Variants in CYP4X1 observed in about 807,000 individuals in gnomAD.
CYP4X1 encodes cytochrome P450 family 4 subfamily X member 1.
A neutral mutation model predicts 57.9 loss-of-function variants in CYP4X1; 44 were observed. The observed-to-expected ratio is 0.76, with a 90% CI of 0.60 to 0.98. CYP4X1 has a LOEUF of 0.98. Ranked by LOEUF, CYP4X1 falls within the 50% of genes least tolerant of loss-of-function variation. The pLI is 0.00. For synonymous variants in CYP4X1, 227 were observed against 228.6 expected (o/e 0.99, Z 0.06); for missense variants, 532 against 623.9 (o/e 0.85, Z 1.57).
At chr1:46,992,242 G>C in the CYP4X1 span, among the ~76,000 whole-genome samples, 1 of 152,214 alleles carries the variant, frequency 6.6e-6, no homozygotes, top group Non-Finnish European at 1.5e-5. Flanking sequence ...CTTGAACCCG[G>C]GAGGCAGAGG....
intron 6 of CYP4X1, among the ~76,000 whole-genome samples, chr1:47,037,272 A>ATTT (rs34146521): frequency 1.0e-4 from 12 of 115,872 alleles, no homozygotes; most frequent in African/African-American, 2.1e-4. Flanking sequence ...AACCTTTTCA[A>ATTT]TTTTTTTTTT....
the CYP4X1 span, among the ~76,000 whole-genome samples, chr1:47,007,385 A>C: frequency 6.6e-6 from 1 of 152,222 alleles, no homozygotes; most frequent in East Asian, 1.9e-4. Context: ...TAGAAGGAAA[A>C]CCAACAAACA....
At chr1:46,982,468 T>C in the CYP4X1 span, among the ~76,000 whole-genome samples, 1 of 152,202 alleles carries the variant, frequency 6.6e-6, no homozygotes, top group Admixed American at 6.5e-5. Flanking sequence ...CCAGAGTTCT[T>C]GCGTTGGTTC....
chr1:47,024,929 C>T (rs1644045570), intron 1 of CYP4X1, among the ~76,000 whole-genome samples: 1 of 152,104 alleles, frequency 6.6e-6, no homozygotes. Flanking sequence ...ACTCTTTTAT[C>T]GGTTTCTTCT....
At chr1:46,991,007 C>A in the CYP4X1 span, among the ~76,000 whole-genome samples, 2 of 151,012 alleles carry the variant, frequency 1.3e-5, no homozygotes, top group African/African-American at 4.9e-5. Flanking sequence ...ATGTAACAAA[C>A]CTGCACGTTC....
In CYP4X1 at chr1:47,031,479, T is replaced by C. The variant is rs188286348; in HGVS notation, c.363T>C (p.Leu121=). 1 of 1,614,090 alleles carries C rather than the reference T, an allele frequency of 6.2e-7. No homozygotes were observed. The highest frequency in any genetic ancestry group is 2.2e-5 in the East Asian group (1 of 44,876). The change falls in exon 3 of 12, where the codon CTT becomes CTC. Residue 121 remains leucine, a splice_region_variant and synonymous_variant. Transcript: ENST00000371901. ...TGCAGAAATTCTCACCTCCACTTCT[T>C]GGTATGTATGTGCAAATGAGAGGTA... ...QYLQKFSPPL[L]GKGLAALDGP...
At chr1:47,049,612 T>A in intron 11 of CYP4X1, 108 bp downstream of exon 11, 1 of 985,706 alleles carries the variant, frequency 1.0e-6, no homozygotes, top group East Asian at 2.4e-5. Context: ...ACCGTAGATC[T>A]TGGTGCCTAT....
chr1:47,052,632 A>G (rs1021732003), downstream of CYP4X1, among the ~76,000 whole-genome samples: 12 of 152,222 alleles, frequency 7.9e-5, no homozygotes, highest in Admixed American at 4.6e-4. Context: ...TTATGTTTAC[A>G]TAAATATTGA....
At chr1:46,961,514 C>T in the CYP4X1 span, 1 of 1,176,114 alleles carries the variant, frequency 8.5e-7, no homozygotes, top group Non-Finnish European at 1.1e-6. Flanking sequence ...TATGTCAAAG[C>T]TGTGTGTAGC....
the CYP4X1 span, among the ~76,000 whole-genome samples, chr1:46,965,401 C>T: frequency 6.6e-6 from 1 of 150,706 alleles, no homozygotes; most frequent in Non-Finnish European, 1.5e-5. Context: ...GAACTGCCCC[C>T]ACTCTTTTTT....
chr1:47,023,380 C>T (rs1474151876), upstream of CYP4X1, among the ~76,000 whole-genome samples: 1 of 152,196 alleles, frequency 6.6e-6, no homozygotes, highest in Non-Finnish European at 1.5e-5. Context: ...TGGTACACCT[C>T]CCCCTACCTC....
In CYP4X1 at chr1:47,023,777, G is replaced by C. The variant is rs1311968334; in HGVS notation, c.-41G>C. On this transcript the variant is annotated 5_prime_UTR_variant, in exon 1 of 12. Transcript: ENST00000371901. Reference sequence around the variant, plus strand: ...GGCGGGAGAAAGCCCACCCTCTCCCGCGCCCCAGGAAACCGCCGGCGTTCG... The same window carrying C: ...GGCGGGAGAAAGCCCACCCTCTCCCCCGCCCCAGGAAACCGCCGGCGTTCG... 8 of 1,591,814 alleles carry C rather than the reference G, an allele frequency of 5.0e-6. No homozygotes were observed. In the Admixed American group the frequency reaches 5.1e-5, roughly 10 times the overall value.
the CYP4X1 span, among the ~76,000 whole-genome samples, chr1:46,976,364 T>A: frequency 6.6e-6 from 1 of 152,176 alleles, no homozygotes; most frequent in East Asian, 1.9e-4. Flanking sequence ...CAGTCCGAGA[T>A]TGAAGTGCTA....
chr1:46,979,339 T>C, the CYP4X1 span, among the ~76,000 whole-genome samples: 840 of 152,322 alleles, frequency 5.5e-3, 11 homozygotes, highest in African/African-American at 0.02. Context: ...CAGAGAATAC[T>C]ATACACATCT....
At chr1:47,030,671 T>TG (rs1407997858) in intron 2 of CYP4X1, among the ~76,000 whole-genome samples, 1 of 152,196 alleles carries the variant, frequency 6.6e-6, no homozygotes, top group Non-Finnish European at 1.5e-5. Context: ...TTTTAAGGCT[T>TG]TCATTGTGGA....
At chr1:46,976,107 T>C in the CYP4X1 span, among the ~76,000 whole-genome samples, 1 of 152,098 alleles carries the variant, frequency 6.6e-6, no homozygotes, top group Non-Finnish European at 1.5e-5. Context: ...GGACAGTGGA[T>C]GCAGCCCATG....
At chr1:47,046,355 A>G in intron 8 of CYP4X1, 112 bp from the exon 9 acceptor site, 1 of 1,435,470 alleles carries the variant, frequency 7.0e-7, no homozygotes. Context: ...TACATAAACC[A>G]GTGGCAAAAT....
At chr1:47,020,030 A>C (rs995869028), upstream of CYP4X1, among the ~76,000 whole-genome samples, 3 of 152,148 alleles carry the variant, frequency 2.0e-5, no homozygotes, top group Non-Finnish European at 4.4e-5. Flanking sequence ...GTAAAGCCTG[A>C]ATTTCTTAAC....
At position 47,033,217 on chromosome 1, in the gene CYP4X1, G is replaced by T. The variant is rs746893622; in HGVS notation, c.365-24G>T. On this transcript the variant is annotated intron_variant, in intron 3 of 11. Coordinates refer to ENST00000371901, the MANE Select transcript of CYP4X1 (RefSeq NM_178033.2). Reference sequence around the variant, plus strand: ...ATCTCATCTAATTAAATGGCATAAGGTTTTCTGCCTTTTATTTCTCAAGGA... The same window carrying T: ...ATCTCATCTAATTAAATGGCATAAGTTTTTCTGCCTTTTATTTCTCAAGGA... The T allele has an allele frequency of 7.5e-6, 12 of 1,609,106 alleles. No homozygotes were observed. In the African/African-American group the frequency reaches 1.5e-4, roughly 20 times the overall value.
Sources: allele counts gnomAD v4.1 joint callset (sites outside exome capture counted in the v4.1 genomes callset), GRCh38; gene constraint gnomAD v4.1.1; transcripts MANE v1.5; gene names NCBI Gene and HGNC (gene_info 2026-07-23, HGNC 2026-07-21).